COMMD1: variants seen among roughly 807,000 people sequenced by gnomAD.
COMMD1 encodes copper metabolism domain containing 1, also known as COMM domain-containing protein 1.
Under a neutral mutation model 17.2 loss-of-function variants are expected in COMMD1, and 10 were observed. The ratio of observed to expected loss-of-function variants is 0.58; its 90% confidence interval spans 0.36 to 0.99. The LOEUF (loss-of-function observed/expected upper bound fraction) is 0.99. Among genes scored for constraint, COMMD1 ranks in the 50% least tolerant of loss-of-function variants. The pLI, the probability that COMMD1 is intolerant of heterozygous loss-of-function variation, is 0.01. For synonymous variants in COMMD1, 97 were observed against 91.6 expected (o/e 1.06, Z -0.34); for missense variants, 270 against 231.8 (o/e 1.17, Z -1.07).
intron 2 of COMMD1, among the ~76,000 whole-genome samples, chr2:62,025,925 C>A (rs1669742319): frequency 1.3e-5 from 2 of 152,094 alleles, no homozygotes; most frequent in African/African-American, 4.8e-5. Context: ...AACTCCTGGC[C>A]TCAAGTGATC....
intron 1 of COMMD1, among the ~76,000 whole-genome samples, chr2:61,953,500 C>T (rs1671113965): frequency 6.6e-6 from 1 of 151,854 alleles, no homozygotes. Context: ...TCACGAGTAG[C>T]TGGGACTACA....
chr2:61,960,113 A>ATGTG (rs70946771), intron 1 of COMMD1, among the ~76,000 whole-genome samples: 1,611 of 150,218 alleles, frequency 0.011, 21 homozygotes, highest in African/African-American at 0.025. Flanking sequence ...TTTGGAATAT[A>ATGTG]TGTGTGTGTG....
intron 2 of COMMD1, among the ~76,000 whole-genome samples, chr2:62,092,246 C>G (rs1290338571): frequency 6.6e-6 from 1 of 152,176 alleles, no homozygotes; most frequent in Non-Finnish European, 1.5e-5. Flanking sequence ...CAAACAGCTT[C>G]TTAGGGGTCT....
chr2:61,957,282 T>G (rs964516558), intron 1 of COMMD1, among the ~76,000 whole-genome samples: 1 of 152,114 alleles, frequency 6.6e-6, no homozygotes, highest in African/African-American at 2.4e-5. Context: ...GGGTGGTTTG[T>G]GAGAGTGGTC....
intron 2 of COMMD1, among the ~76,000 whole-genome samples, chr2:62,002,717 A>C (rs1162546494): frequency 6.6e-6 from 1 of 151,498 alleles, no homozygotes; most frequent in East Asian, 1.9e-4. Context: ...ATTGCCGGGC[A>C]TGGTGGCGGG....
intron 1 of COMMD1, among the ~76,000 whole-genome samples, chr2:61,980,450 G>A (rs1313367740): frequency 4.9e-5 from 2 of 41,004 alleles, no homozygotes; most frequent in Admixed American, 6.4e-4. Flanking sequence ...TCTAACTGGT[G>A]TGAGATGATA....
intron 2 of COMMD1, among the ~76,000 whole-genome samples, chr2:62,084,591 A>G (rs781731268): frequency 1.3e-5 from 2 of 152,198 alleles, no homozygotes; most frequent in Non-Finnish European, 2.9e-5. Flanking sequence ...TCAAGGGTCA[A>G]CTGTATTCTG....
intron 2 of COMMD1, among the ~76,000 whole-genome samples, chr2:62,085,380 G>T (rs1671631701): frequency 6.6e-6 from 1 of 151,880 alleles, no homozygotes; most frequent in African/African-American, 2.4e-5. Flanking sequence ...GCCACACCCG[G>T]CTAATTTTTT....
intron 1 of COMMD1, among the ~76,000 whole-genome samples, chr2:61,938,955 T>C (rs1347743853): frequency 6.6e-6 from 1 of 152,202 alleles, no homozygotes; most frequent in African/African-American, 2.4e-5. Context: ...TAGAGGATTA[T>C]TGTAGCCAAG....
At chr2:61,920,147 T>C (rs1158769186) in intron 1 of COMMD1, among the ~76,000 whole-genome samples, 2 of 152,210 alleles carry the variant, frequency 1.3e-5, no homozygotes, top group Admixed American at 6.6e-5. Context: ...TTTATTATTA[T>C]GTCATTTAAA....
chr2:62,016,980 A>C (rs1157908142), intron 2 of COMMD1, among the ~76,000 whole-genome samples: 1 of 152,214 alleles, frequency 6.6e-6, no homozygotes, highest in Non-Finnish European at 1.5e-5. Context: ...TCTGAACTTG[A>C]AGCTGATAAG....
chr2:61,893,129 A>G (rs536742035), intron 1 of COMMD1, among the ~76,000 whole-genome samples: 4 of 152,054 alleles, frequency 2.6e-5, no homozygotes, highest in African/African-American at 9.7e-5. Flanking sequence ...GGCCTTTCAA[A>G]GTACTGGGAT....
At chr2:61,963,349 A>G in intron 1 of COMMD1, among the ~76,000 whole-genome samples, 1 of 151,638 alleles carries the variant, frequency 6.6e-6, no homozygotes, top group Non-Finnish European at 1.5e-5. Flanking sequence ...ATTTATAGCC[A>G]GTTTTTTGTT....
chr2:62,025,152 G>A (rs1174388094), intron 2 of COMMD1, among the ~76,000 whole-genome samples: 1 of 151,980 alleles, frequency 6.6e-6, no homozygotes, highest in Non-Finnish European at 1.5e-5. Context: ...CCCGGGAGGT[G>A]GAGGTTGCAA....
chr2:61,964,778 C>A (rs999731613), intron 1 of COMMD1, among the ~76,000 whole-genome samples: 1 of 152,202 alleles, frequency 6.6e-6, no homozygotes, highest in African/African-American at 2.4e-5. Context: ...GAGGCTGAGG[C>A]AGGAGAATCG....
At chr2:62,096,847 G>A (rs574421046) in intron 2 of COMMD1, among the ~76,000 whole-genome samples, 2 of 152,314 alleles carry the variant, frequency 1.3e-5, no homozygotes, top group East Asian at 3.9e-4. Context: ...CATTTTGGTA[G>A]GGAGGATAAG....
At chr2:61,943,696 G>T (rs1400169270) in intron 1 of COMMD1, among the ~76,000 whole-genome samples, 1 of 152,122 alleles carries the variant, frequency 6.6e-6, no homozygotes, top group African/African-American at 2.4e-5. Context: ...TCAGCCGGGT[G>T]TGGTGGCACG....
intron 2 of COMMD1, among the ~76,000 whole-genome samples, chr2:62,121,022 A>C (rs1255505837): frequency 6.6e-6 from 1 of 151,990 alleles, no homozygotes; most frequent in African/African-American, 2.4e-5. Flanking sequence ...GAGATTACAG[A>C]TATGAGCCAC....
intron 2 of COMMD1, among the ~76,000 whole-genome samples, chr2:62,124,105 C>T (rs1199776857): frequency 6.6e-6 from 1 of 152,146 alleles, no homozygotes; most frequent in Non-Finnish European, 1.5e-5. Context: ...TGAGACCAGC[C>T]TGGCCAACAT....
Sources: gnomAD v4.1 joint callset for allele counts (sites outside exome capture counted in the v4.1 genomes callset) on GRCh38, gnomAD v4.1.1 for gene constraint, MANE v1.5 for transcripts, NCBI Gene and HGNC (gene_info 2026-07-23, HGNC 2026-07-21) for gene names.